LONRF3: variants seen among roughly 807,000 people sequenced by gnomAD.
The protein encoded by LONRF3 is LON peptidase N-terminal domain and RING finger protein 3.
LONRF3 carries 19 observed loss-of-function variants against 51.7 expected under a neutral mutation model. The observed-to-expected ratio is 0.37, with a 90% confidence interval of 0.26 to 0.54. The LOEUF is 0.54. Ranked by LOEUF, LONRF3 falls within the 20% of genes least tolerant of loss-of-function variation. The pLI, the probability that LONRF3 is intolerant of heterozygous loss-of-function variation, is 0.86. For synonymous variants in LONRF3, 265 were observed against 257.8 expected (o/e 1.03, Z -0.27); for missense variants, 521 against 623.9 (o/e 0.84, Z 1.76).
At chrX:119,002,723 TCTC>T (rs749602320) in intron 5 of LONRF3, among the ~76,000 whole-genome samples, 3 of 112,268 alleles carry the variant, frequency 2.7e-5, no homozygotes, top group African/African-American at 9.7e-5. Context: ...GCAGATACCT[TCTC>T]CTACTCTGGC....
intron 6 of LONRF3, among the ~76,000 whole-genome samples, chrX:119,006,626 C>T (rs1325561321): frequency 2.8e-5 from 3 of 107,820 alleles, no homozygotes; most frequent in African/African-American, 3.4e-5. Flanking sequence ...CTCGCTCTGT[C>T]GCCCAGGCTG....
intron 6 of LONRF3, among the ~76,000 whole-genome samples, chrX:119,007,099 T>C (rs1924791218): frequency 8.9e-6 from 1 of 112,591 alleles, no homozygotes; most frequent in Non-Finnish European, 1.9e-5. Context: ...TGCAGCTTTT[T>C]ATGCAGTGTA....
chrX:118,984,863 G>T (rs1922839400), intron 3 of LONRF3, among the ~76,000 whole-genome samples: 1 of 111,935 alleles, frequency 8.9e-6, no homozygotes, highest in Non-Finnish European at 1.9e-5. Context: ...CAGTTTCAGG[G>T]CTAAAGATTT....
At chrX:118,978,246 G>C (rs1922241233) in intron 1 of LONRF3, 99 bp from the exon 2 acceptor site, 1 of 538,977 alleles carries the variant, frequency 1.9e-6, no homozygotes, top group Non-Finnish European at 3.2e-6. Flanking sequence ...AAAAGTCCTA[G>C]AAAACTTATC....
At chrX:119,002,216 G>C (rs1924366002) in intron 5 of LONRF3, among the ~76,000 whole-genome samples, 1 of 112,071 alleles carries the variant, frequency 8.9e-6, no homozygotes, top group Non-Finnish European at 1.9e-5. Context: ...CAGGACCCAA[G>C]AAGCTACCCA....
chrX:119,005,991 C>T lies in LONRF3; in HGVS notation c.1416-130C>T, dbSNP rs1746968277. On this transcript the variant is annotated intron_variant, in intron 5 of 10. Coordinates refer to ENST00000371628, the MANE Select transcript of LONRF3 (RefSeq NM_001031855.3). ...ATGTTTATCTGAAGTATAACAATAGCGACTTTTTAAAAAGAACTCCTCCCC... is the reference window on the plus strand; with the variant it reads ...ATGTTTATCTGAAGTATAACAATAGTGACTTTTTAAAAAGAACTCCTCCCC... 4 of 403,853 alleles carry T rather than the reference C, an allele frequency of 9.9e-6. No individual in the cohort carries two copies. In the South Asian group the frequency reaches 1.6e-4, roughly 16 times the overall value. The allele number at this position is 403,853 out of a possible 1,213,427, so 33.3% of individuals were successfully genotyped here.
At chrX:118,987,592 A>T (rs1250291980) in intron 3 of LONRF3, among the ~76,000 whole-genome samples, 1 of 107,385 alleles carries the variant, frequency 9.3e-6, no homozygotes, top group Non-Finnish European at 1.9e-5. Flanking sequence ...TCTTGGTTAG[A>T]TCCAGCCGAG....
chrX:118,985,533 C>T (rs1274304945), intron 3 of LONRF3, among the ~76,000 whole-genome samples: 1 of 112,066 alleles, frequency 8.9e-6, no homozygotes, highest in Admixed American at 9.4e-5. Flanking sequence ...TCTCCCTGGG[C>T]CCTGGGGTGG....
intron 2 of LONRF3, 78 bp from the exon 3 acceptor site, chrX:118,982,743 C>A: frequency 8.8e-7 from 1 of 1,135,396 alleles, no homozygotes; most frequent in East Asian, 3.0e-5. Flanking sequence ...ACAGTGAGTG[C>A]TGTGGGTTAG....
intron 1 of LONRF3, among the ~76,000 whole-genome samples, chrX:118,977,851 A>G (rs1444878529): frequency 2.7e-5 from 3 of 111,449 alleles, no homozygotes; most frequent in Non-Finnish European, 5.7e-5. Context: ...AAATCTTCAT[A>G]TGTGCTGGGC....
At chrX:119,002,313 G>A (rs1043127375) in intron 5 of LONRF3, among the ~76,000 whole-genome samples, 12 of 111,689 alleles carry the variant, frequency 1.1e-4, no homozygotes, top group Non-Finnish European at 1.7e-4. Context: ...TTTACTACCC[G>A]AATATGTGTA....
rs1259972905 is a variant in LONRF3 at position 118,990,473 on chromosome X, C to G, written c.1328C>G (p.Pro443Arg). The change falls in exon 5 of 11, where the codon CCT (proline) becomes CGT (arginine). Residue 443 changes from proline to arginine, a missense_variant. By Grantham distance (103) the Pro-to-Arg change is moderately radical. Around this residue, in one of 2 missense-constraint regions of LONRF3, gnomAD observed 376 missense variants for 376.7 expected, o/e 1.00. Transcript: ENST00000371628. Reference sequence around the variant, plus strand: ...CTTCTTGCTTTCTAAATCGCAGATCCTCCCACTGATCAGGGGGACAAACCT... The same window carrying G: ...CTTCTTGCTTTCTAAATCGCAGATCGTCCCACTGATCAGGGGGACAAACCT... Reference protein sequence around the residue: ...GMPNKASKQDPPTDQGDKPAL... With the variant: ...GMPNKASKQDRPTDQGDKPAL... 1 of 1,203,735 alleles carries G rather than the reference C, an allele frequency of 8.3e-7. No homozygotes were observed. The highest frequency in any genetic ancestry group is 1.8e-5 in the African/African-American group (1 of 56,991).
In LONRF3 at chrX:118,980,091, T is replaced by C. The variant is rs184291595; in HGVS notation, c.936+1628T>C. On this transcript the variant is annotated intron_variant, in intron 2 of 10. Coordinates refer to ENST00000371628, the MANE Select transcript of LONRF3 (RefSeq NM_001031855.3). The stretch of plus-strand genomic sequence containing the variant: ...ATGCAATGAGGGTCAAAAGTGAACG[T>C]GGCCAAGAGGACATTCTGCAAGCTA... Among the ~76,000 whole-genome samples, 523 of 112,349 alleles carry C rather than the reference T, an allele frequency of 4.7e-3. 1 individual carries two copies. The highest frequency in any genetic ancestry group is 0.019 in the Middle Eastern group (4 of 215).
chrX:119,000,768 ACT>A (rs1924219654), intron 5 of LONRF3, among the ~76,000 whole-genome samples: 1 of 64,376 alleles, frequency 1.6e-5, no homozygotes, highest in Non-Finnish European at 3.1e-5. Context: ...TTGTCAGTTC[ACT>A]CTCATTCTCT....
At chrX:119,010,218 G>T (rs1280689754) in intron 7 of LONRF3, among the ~76,000 whole-genome samples, 2 of 111,968 alleles carry the variant, frequency 1.8e-5, no homozygotes, top group African/African-American at 6.5e-5. Context: ...CGTCATTGAG[G>T]CTCTCAGCAC....
chrX:119,015,559 G>A (rs1925386864), intron 10 of LONRF3, among the ~76,000 whole-genome samples: 1 of 111,807 alleles, frequency 8.9e-6, no homozygotes, highest in Non-Finnish European at 1.9e-5. Context: ...TCTGGGCCAC[G>A]ATGAGTCAGG....
chrX:118,979,456 G>T (rs951332223), intron 2 of LONRF3, among the ~76,000 whole-genome samples: 2 of 110,935 alleles, frequency 1.8e-5, no homozygotes, highest in African/African-American at 6.6e-5. Flanking sequence ...ACCATGCCCG[G>T]CTAATTTTTT....
Position 118,981,483 on chromosome X carries a change from CA to C in LONRF3, c.937-1322del, listed in dbSNP as rs10669908. Among the ~76,000 whole-genome samples the C allele has an allele frequency of 3.9e-3, 295 of 76,019 alleles. 1 individual carries two copies. Among genetic ancestry groups the C allele is most frequent in the African/African-American group, 0.013 (254 of 19,676 alleles). 66.0% of individuals were successfully genotyped at this position (76,019 alleles called of 115,157 possible). A position where few individuals can be genotyped will look rare whatever the true frequency, so the allele number is the denominator to read the frequency against. On this transcript the variant is annotated intron_variant, in intron 2 of 10. Coordinates refer to ENST00000371628, the MANE Select transcript of LONRF3 (RefSeq NM_001031855.3). ...TGGGTGACAGAGCAAGATTCTATCTCAAAAAAAAAAAAAAAAGAGTATATGG... is the reference window on the plus strand; with the variant it reads ...TGGGTGACAGAGCAAGATTCTATCTCAAAAAAAAAAAAAAAGAGTATATGG...
intron 1 of LONRF3, among the ~76,000 whole-genome samples, 160 bp downstream of exon 1, chrX:118,975,757 G>C (rs990340904): frequency 9.1e-6 from 1 of 109,560 alleles, no homozygotes; most frequent in Non-Finnish European, 1.9e-5. Flanking sequence ...TTCTGGGGCT[G>C]GGTCTCTGAG....
Sources: allele counts gnomAD v4.1 joint callset (sites outside exome capture counted in the v4.1 genomes callset), GRCh38; gene constraint gnomAD v4.1.1; regional missense constraint gnomAD v4.1.1; transcripts MANE v1.5; gene names NCBI Gene and HGNC (gene_info 2026-07-23, HGNC 2026-07-21).